The following RNASE4 variants were observed in gnomAD, a reference collection of about 807,000 sequenced individuals.
RNASE4 encodes the protein ribonuclease 4.
For missense variants in RNASE4, 194 were observed against 192.8 expected (o/e 1.01, Z -0.04); for synonymous variants, 93 against 71.4 (o/e 1.30, Z -1.52).
chr14:20,688,692 A>C (rs1195771533), intron 1 of RNASE4: 1 of 985,262 alleles, frequency 1.0e-6, no homozygotes, highest in African/African-American at 1.7e-5. Context: ...GTTCAAGAGC[A>C]GTGTCCTTGG....
chr14:20,695,037 A>T (rs970805166), intron 1 of RNASE4, among the ~76,000 whole-genome samples: 1 of 152,208 alleles, frequency 6.6e-6, no homozygotes, highest in African/African-American at 2.4e-5. Context: ...AACCAATTAC[A>T]TTATTTCCTC....
intron 1 of RNASE4, among the ~76,000 whole-genome samples, chr14:20,697,394 C>T (rs1030922183): frequency 2.6e-5 from 4 of 152,180 alleles, no homozygotes; most frequent in African/African-American, 9.7e-5. Flanking sequence ...CAAACATCTG[C>T]CCTTCCTCCC....
At chr14:20,692,936 C>T (rs1886851629) in intron 1 of RNASE4, among the ~76,000 whole-genome samples, 1 of 152,168 alleles carries the variant, frequency 6.6e-6, no homozygotes, top group Admixed American at 6.5e-5. Context: ...CAAGCTCCGC[C>T]TCCCGGGTTC....
intron 1 of RNASE4, among the ~76,000 whole-genome samples, chr14:20,690,177 TGCAGTCCGCAGTCCGGCCTGGGCGACA>T (rs1324800034): frequency 2.5e-5 from 3 of 117,824 alleles, no homozygotes; most frequent in Non-Finnish European, 4.8e-5. Context: ...ATTGCGCCAC[TGCAGTCCGCAGTCCGGCCTGGGCGACA>T]GAGCGAGACT....
At chr14:20,694,485 A>G (rs1209326932) in intron 1 of RNASE4, among the ~76,000 whole-genome samples, 1 of 151,830 alleles carries the variant, frequency 6.6e-6, no homozygotes, top group Non-Finnish European at 1.5e-5. Context: ...TTTTTAGTAG[A>G]GACAGGGTTT....
intron 1 of RNASE4, among the ~76,000 whole-genome samples, chr14:20,686,436 A>C (rs1886430830): frequency 6.6e-6 from 1 of 152,216 alleles, no homozygotes; most frequent in Non-Finnish European, 1.5e-5. Flanking sequence ...TAGCTGGATA[A>C]AAAAGTGGAC....
At chr14:20,698,845 C>T (rs139163892) in intron 1 of RNASE4, 7 of 152,466 alleles carry the variant, frequency 4.6e-5, no homozygotes, top group African/African-American at 1.4e-4. Context: ...AAATATTCCT[C>T]TGTCCTCTTC....
Position 20,693,982 on chromosome 14 carries a change from G to A in RNASE4, c.-17-5373G>A. ...TGAAAATGGCTTACCTGTCCACTTG[G>A]ATCAGTCAATTTTCCGTCGTCCGTA... On this transcript the variant is annotated intron_variant, in intron 1 of 1. Coordinates refer to ENST00000555835, the MANE Select transcript of RNASE4 (RefSeq NM_002937.5). 1.2e-6 allele frequency: 2 copies of A among 1,614,058 alleles called. No homozygotes were observed. The highest frequency in any genetic ancestry group is 1.7e-6 in the Non-Finnish European group (2 of 1,180,026).
intron 1 of RNASE4, among the ~76,000 whole-genome samples, chr14:20,698,269 C>G (rs1887157376): frequency 6.6e-6 from 1 of 151,846 alleles, no homozygotes; most frequent in African/African-American, 2.4e-5. Flanking sequence ...AGAAGACAGA[C>G]AGCTACCAAC....
Position 20,697,446 on chromosome 14 carries a change from C to T in RNASE4, c.-17-1909C>T, listed in dbSNP as rs1887130239. ...CCTCTCTTCCTAACACTGTATCTCA[C>T]ATCTACAGCTGCAGGCACACAGATA... On this transcript the variant is annotated intron_variant, in intron 1 of 1. Transcript: ENST00000555835. Among the ~76,000 whole-genome samples, 4 of 152,208 alleles carry T rather than the reference C, an allele frequency of 2.6e-5. No individual in the cohort carries two copies. In the South Asian group the frequency reaches 8.3e-4, roughly 32 times the overall value.
At chr14:20,688,744 A>G (rs769698987) in intron 1 of RNASE4, 74 of 984,742 alleles carry the variant, frequency 7.5e-5, no homozygotes, top group Non-Finnish European at 8.9e-5. Flanking sequence ...TATATTAGGA[A>G]CACTATATAA....
chr14:20,699,275 T>C, intron 1 of RNASE4, 80 bp from the exon 2 acceptor site: 8 of 1,213,812 alleles, frequency 6.6e-6, no homozygotes, highest in Non-Finnish European at 9.1e-6. Flanking sequence ...GGAGTCAGGA[T>C]GCCGGCTTGC....
chr14:20,699,737 T>C lies in RNASE4; in HGVS notation c.366T>C (p.Tyr122=). The part of the protein sequence containing the change: ...TGSSRAPNCR[Y]RAIASTRRVV... ...GTTCCAGGGCACCCAACTGCAGATA[T>C]CGGGCCATAGCGAGCACTAGACGTG... The change falls in exon 2 of 2, where the codon TAT becomes TAC. Residue 122 remains tyrosine (Y), a synonymous_variant. Coordinates refer to ENST00000555835, the MANE Select transcript of RNASE4 (RefSeq NM_002937.5). The C allele has an allele frequency of 6.2e-7, 1 of 1,611,060 alleles. No homozygotes were observed. Among genetic ancestry groups the C allele is most frequent in the South Asian group, 1.1e-5 (1 of 91,076 alleles).
At chr14:20,687,114 C>T (rs1174865951) in intron 1 of RNASE4, among the ~76,000 whole-genome samples, 1 of 152,126 alleles carries the variant, frequency 6.6e-6, no homozygotes, top group Non-Finnish European at 1.5e-5. Context: ...AAATTACTGA[C>T]AAAGATGTGA....
chr14:20,699,461 T>C lies in RNASE4; in HGVS notation c.90T>C (p.Asp30=), dbSNP rs762563523. The C allele has an allele frequency of 1.4e-5, 22 of 1,614,004 alleles. No individual in the cohort carries two copies. The highest frequency in any genetic ancestry group is 3.3e-5 in the Admixed American group (2 of 60,026). ...LGLVQPSYGQ[D]GMYQRFLRQH... ...TGGTCCAGCCCTCCTATGGCCAGGA[T>C]GGCATGTACCAGCGATTCCTGCGGC... The change falls in exon 2 of 2, where the codon GAT becomes GAC. Residue 30 remains aspartate (D), a synonymous_variant. Transcript: ENST00000555835.
At position 20,699,501 on chromosome 14, in the gene RNASE4, G is replaced by C. The variant is rs35764991; in HGVS notation, c.130G>C (p.Glu44Gln). 1.0e-4 allele frequency: 169 copies of C among 1,614,170 alleles called. No homozygotes were observed. In the African/African-American group the frequency reaches 2.1e-3, roughly 20 times the overall value. The change falls in exon 2 of 2, where the codon GAG becomes CAG. Residue 44 changes from glutamate to glutamine, a missense_variant. Coordinates refer to ENST00000555835, the MANE Select transcript of RNASE4 (RefSeq NM_002937.5). ...ATTCCTGCGGCAACACGTGCACCCT[G>C]AGGAGACAGGTGGCAGTGATCGCTA... is the stretch of plus-strand genomic sequence containing the variant. The part of the protein sequence containing the change: ...QRFLRQHVHP[E>Q]ETGGSDRYCN...
chr14:20,690,162 C>A (rs1252977359), intron 1 of RNASE4, among the ~76,000 whole-genome samples: 2 of 130,356 alleles, frequency 1.5e-5, no homozygotes, highest in African/African-American at 5.9e-5. Flanking sequence ...TTGCAGTGAG[C>A]CGAGATTGCG....
intron 1 of RNASE4, chr14:20,693,966 C>T (rs1886967113): frequency 6.2e-7 from 1 of 1,614,096 alleles, no homozygotes; most frequent in Non-Finnish European, 8.5e-7. Context: ...GTGAAAATGG[C>T]TTACCTGTCC....
intron 1 of RNASE4, among the ~76,000 whole-genome samples, chr14:20,686,016 G>A (rs1398218531): frequency 6.7e-6 from 1 of 149,670 alleles, no homozygotes; most frequent in African/African-American, 2.5e-5. Flanking sequence ...CTCTAGCCTG[G>A]GTGACAGAGC....
Sources: gnomAD v4.1 joint callset for allele counts (sites outside exome capture counted in the v4.1 genomes callset) on GRCh38, gnomAD v4.1.1 for gene constraint, MANE v1.5 for transcripts, NCBI Gene and HGNC (gene_info 2026-07-23, HGNC 2026-07-21) for gene names.